RNF38: variants seen among roughly 807,000 people sequenced by gnomAD.
RNF38 encodes ring finger protein 38, also known as E3 ubiquitin-protein ligase RNF38.
RNF38 carries 15 observed loss-of-function variants against 67.2 expected under a neutral mutation model. The observed-to-expected ratio is 0.22, with a 90% CI of 0.15 to 0.34. The LOEUF is 0.34. Among genes scored for constraint, RNF38 ranks in the 10% least tolerant of loss-of-function variants. The probability of loss-of-function intolerance (pLI) is 1.00; values close to 1 mark genes in which losing one functional copy is unlikely to be tolerated. For missense variants in RNF38, 524 were observed against 639.9 expected (o/e 0.82, Z 1.95); for synonymous variants, 220 against 218.8 (o/e 1.01, Z -0.05).
intron 1 of RNF38, among the ~76,000 whole-genome samples, chr9:36,464,681 A>G (rs1277482971): frequency 6.6e-6 from 1 of 152,220 alleles, no homozygotes; most frequent in Non-Finnish European, 1.5e-5. Context: ...ATATTCACCC[A>G]ATAAATTAAT....
chr9:36,374,187 G>A (rs1305390727), intron 3 of RNF38, among the ~76,000 whole-genome samples: 2 of 152,234 alleles, frequency 1.3e-5, no homozygotes, highest in Non-Finnish European at 2.9e-5. Context: ...ACTGGGTAAT[G>A]TAAAAGTCTT....
intron 6 of RNF38, 48 bp downstream of exon 6, chr9:36,356,255 A>G (rs538283322): frequency 1.3e-6 from 2 of 1,583,362 alleles, no homozygotes; most frequent in Admixed American, 3.5e-5. Context: ...AAAAAATTAA[A>G]AATTAGTTAA....
At chr9:36,447,089 T>C (rs1839325338) in intron 1 of RNF38, among the ~76,000 whole-genome samples, 1 of 148,442 alleles carries the variant, frequency 6.7e-6, no homozygotes, top group Non-Finnish European at 1.5e-5. Context: ...ATCGTGTCAC[T>C]GCACTCCAGC....
At chr9:36,456,546 A>G (rs12553273) in intron 1 of RNF38, among the ~76,000 whole-genome samples, 3,214 of 151,026 alleles carry the variant, frequency 0.021, 77 homozygotes, top group Middle Eastern at 0.052. Flanking sequence ...GCTTTCATGT[A>G]TCTCAGGGTC....
At chr9:36,370,275 T>A (rs1048824567) in intron 3 of RNF38, among the ~76,000 whole-genome samples, 18 of 152,190 alleles carry the variant, frequency 1.2e-4, no homozygotes, top group Admixed American at 3.3e-4. Context: ...TCTCCCTTTT[T>A]AAATATTATA....
At chr9:36,441,193 T>C (rs1027080047) in intron 1 of RNF38, among the ~76,000 whole-genome samples, 10 of 152,026 alleles carry the variant, frequency 6.6e-5, no homozygotes, top group Non-Finnish European at 1.3e-4. Flanking sequence ...CCTTTGTCCA[T>C]CCCAGCAGAC....
chr9:36,347,519 G>A (rs1351548111), intron 9 of RNF38, among the ~76,000 whole-genome samples: 1 of 152,142 alleles, frequency 6.6e-6, no homozygotes, highest in Non-Finnish European at 1.5e-5. Flanking sequence ...CTGCTATAAT[G>A]ATCTCTGATC....
chr9:36,470,902 C>G (rs1839981362), intron 1 of RNF38, among the ~76,000 whole-genome samples: 1 of 152,140 alleles, frequency 6.6e-6, no homozygotes, highest in South Asian at 2.1e-4. Flanking sequence ...AACCCGAAGG[C>G]CCCTAACTCC....
At chr9:36,341,298 ACT>A (rs1278684810) in intron 11 of RNF38, among the ~76,000 whole-genome samples, 1 of 151,716 alleles carries the variant, frequency 6.6e-6, no homozygotes, top group African/African-American at 2.4e-5. Flanking sequence ...ATAATTTAAG[ACT>A]CTTTGTCTTC....
chr9:36,436,550 G>A (rs1004350732), intron 1 of RNF38, among the ~76,000 whole-genome samples: 3 of 152,102 alleles, frequency 2.0e-5, no homozygotes, highest in East Asian at 1.9e-4. Flanking sequence ...GTAGCTGGGC[G>A]CAGTGGCTCA....
chr9:36,400,742 A>T, upstream of RNF38: 1 of 985,458 alleles, frequency 1.0e-6, no homozygotes, highest in Non-Finnish European at 1.2e-6. Flanking sequence ...CGGCACCATC[A>T]CACGGGCCGC....
chr9:36,470,800 A>G lies in RNF38; in HGVS notation n.241+16508T>C, dbSNP rs375197604. Among the ~76,000 whole-genome samples the G allele has an allele frequency of 5.3e-5, 8 of 152,172 alleles. No homozygotes were observed. In the East Asian group the frequency reaches 1.5e-3, roughly 29 times the overall value. ...TCCATGCAGCAGCCCCCATCTCCATACAGCATGGAGGAAGGAAAACTATTT... is the reference window on the plus strand; with the variant it reads ...TCCATGCAGCAGCCCCCATCTCCATGCAGCATGGAGGAAGGAAAACTATTT... On this transcript the variant is annotated intron_variant and non_coding_transcript_variant, in intron 1 of 3. Transcript: ENST00000488058.
rs796984836 is a variant in RNF38, at chr9:36,378,977, C to T, written c.163-2850G>A. Among the ~76,000 whole-genome samples, 13 of 151,834 alleles carry T rather than the reference C, an allele frequency of 8.6e-5. 1 individual carries two copies. The highest frequency in any genetic ancestry group is 2.7e-4 in the African/African-American group (11 of 41,434). Reference sequence around the variant, plus strand: ...GTGCAGTGGCCTCATCTCGGCTCACCGCAACCTCTGCCTCCTGGGTTCAAG... The same window carrying T: ...GTGCAGTGGCCTCATCTCGGCTCACTGCAACCTCTGCCTCCTGGGTTCAAG... On this transcript the variant is annotated intron_variant, in intron 2 of 11. Transcript: ENST00000259605.
rs143153692 is a variant in RNF38, at chr9:36,431,225, T to C, written n.242-6542A>G. 6.9e-3 allele frequency among the ~76,000 whole-genome samples: 1,053 copies of C among 152,280 alleles called. 13 individuals carry two copies. Among genetic ancestry groups the C allele is most frequent in the African/African-American group, 0.024 (986 of 41,530 alleles). ...AATGATGAGAATACATTCTGAGAAA[T>C]GCATGGTTAGGTAACTGAATCGTTG... is the stretch of plus-strand genomic sequence containing the variant. On this transcript the variant is annotated intron_variant and non_coding_transcript_variant, in intron 1 of 3. Transcript: ENST00000488058.
intron 2 of RNF38, among the ~76,000 whole-genome samples, chr9:36,385,917 ACTT>A (rs1836593701): frequency 6.6e-6 from 1 of 152,140 alleles, no homozygotes; most frequent in Non-Finnish European, 1.5e-5. Context: ...ACCGACTACC[ACTT>A]CTTCAAGCAT....
At chr9:36,342,537 T>A in intron 10 of RNF38, 113 bp from the exon 11 acceptor site, 1 of 700,848 alleles carries the variant, frequency 1.4e-6, no homozygotes, top group Non-Finnish European at 2.5e-6. Flanking sequence ...CTTAAATTTT[T>A]AAACAAAATT....
chr9:36,380,661 T>TA (rs1045096244), intron 2 of RNF38, among the ~76,000 whole-genome samples: 1 of 151,628 alleles, frequency 6.6e-6, no homozygotes, highest in Non-Finnish European at 1.5e-5. Flanking sequence ...ACCAGCTAAT[T>TA]AAAAAAAAAT....
intron 1 of RNF38, among the ~76,000 whole-genome samples, chr9:36,476,354 C>T (rs537437183): frequency 3.9e-5 from 6 of 152,060 alleles, no homozygotes; most frequent in Middle Eastern, 3.4e-3. Context: ...TCAGGTGATC[C>T]GCCCGCCTCA....
At chr9:36,387,288 C>T (rs901486187) in intron 2 of RNF38, among the ~76,000 whole-genome samples, 4 of 152,218 alleles carry the variant, frequency 2.6e-5, no homozygotes, top group Admixed American at 2.6e-4. Context: ...AGAACCCTCT[C>T]CTGGGGTCTG....
Sources: gnomAD v4.1 joint callset for allele counts (sites outside exome capture counted in the v4.1 genomes callset) on GRCh38, gnomAD v4.1.1 for gene constraint, MANE v1.5 for transcripts, NCBI Gene and HGNC (gene_info 2026-07-23, HGNC 2026-07-21) for gene names.